SLC16A7: variants seen among roughly 807,000 people sequenced by gnomAD.
SLC16A7 encodes monocarboxylate transporter 2.
In SLC16A7, 33 loss-of-function variants were observed where a neutral mutation model predicts 34.9. That is an observed-to-expected ratio of 0.94 (90% CI 0.72 to 1.26). The LOEUF is 1.26. Ranked by LOEUF, SLC16A7 falls within the 50% of genes most tolerant of loss-of-function variation. The pLI is 0.00. For missense variants in SLC16A7, 573 were observed against 578.1 expected (o/e 0.99, Z 0.09); for synonymous variants, 201 against 206.6 (o/e 0.97, Z 0.23).
At position 59,779,545 on chromosome 12, in the gene SLC16A7, G is replaced by A. The variant is rs758562834; in HGVS notation, c.1303G>A (p.Glu435Lys). The A allele has an allele frequency of 2.1e-5, 34 of 1,612,930 alleles. 1 individual carries two copies. In the South Asian group the frequency reaches 3.4e-4, roughly 16 times the overall value. Reference protein sequence around the residue: ...NAINYRLLAKERKEENARQKT... With the variant: ...NAINYRLLAKKRKEENARQKT... ...TATCAACTATAGATTGCTTGCAAAG[G>A]AAAGGAAGGAGGAAAATGCAAGGCA... The change falls in exon 6 of 6, where the codon GAA (glutamate) becomes AAA (lysine). Residue 435 changes from glutamate to lysine, a missense_variant. Coordinates refer to ENST00000547379, the MANE Select transcript of SLC16A7 (RefSeq NM_001270623.2).
intron 2 of SLC16A7, among the ~76,000 whole-genome samples, chr12:59,699,065 T>C (rs934575166): frequency 4.0e-5 from 6 of 151,720 alleles, no homozygotes; most frequent in African/African-American, 1.4e-4. Context: ...AGTGTTAGGA[T>C]TGTGGGTGAT....
intron 1 of SLC16A7, among the ~76,000 whole-genome samples, chr12:59,636,069 T>G (rs1880411373): frequency 6.6e-6 from 1 of 151,166 alleles, no homozygotes; most frequent in Non-Finnish European, 1.5e-5. Flanking sequence ...CATTTTTATT[T>G]ATTTTTTTCT....
intron 1 of SLC16A7, among the ~76,000 whole-genome samples, chr12:59,642,790 T>C (rs574164971): frequency 6.6e-6 from 1 of 152,226 alleles, no homozygotes; most frequent in South Asian, 2.1e-4. Context: ...AGATTGTCTT[T>C]ATAGAGTTCA....
chr12:59,707,504 T>C (rs962820060), intron 3 of SLC16A7, among the ~76,000 whole-genome samples: 2 of 152,038 alleles, frequency 1.3e-5, no homozygotes, highest in African/African-American at 4.8e-5. Flanking sequence ...ATTTTATTCA[T>C]ACTTATTTTT....
chr12:59,636,261 T>C lies in SLC16A7; in HGVS notation c.-129-18891T>C, dbSNP rs1016920964. ...ATGAACTTATTTTTCCCAGCATTAA[T>C]GTCAAGAAACAATCAAAGAGGAAAA... On this transcript the variant is annotated intron_variant, in intron 1 of 5. Coordinates refer to ENST00000547379, the MANE Select transcript of SLC16A7 (RefSeq NM_001270623.2). 2.0e-5 allele frequency among the ~76,000 whole-genome samples: 3 copies of C among 152,108 alleles called. No individual in the cohort carries two copies. In the East Asian group the frequency reaches 5.8e-4, roughly 29 times the overall value.
chr12:59,713,829 T>G (rs1874545580), intron 3 of SLC16A7, among the ~76,000 whole-genome samples: 1 of 152,230 alleles, frequency 6.6e-6, no homozygotes, highest in Admixed American at 6.5e-5. Flanking sequence ...ACTCATTCAT[T>G]TATTCCATAG....
At chr12:59,760,453 C>G (rs1223395752) in intron 3 of SLC16A7, among the ~76,000 whole-genome samples, 1 of 151,988 alleles carries the variant, frequency 6.6e-6, no homozygotes, top group African/African-American at 2.4e-5. Flanking sequence ...TTCTAAGACC[C>G]TCAGTGATGA....
chr12:59,647,963 G>A (rs1239855282), intron 1 of SLC16A7, among the ~76,000 whole-genome samples: 3 of 152,088 alleles, frequency 2.0e-5, no homozygotes, highest in Non-Finnish European at 4.4e-5. Context: ...TGAGGTGGGA[G>A]GATCACCTGA....
At chr12:59,755,353 A>G (rs151221845) in intron 3 of SLC16A7, among the ~76,000 whole-genome samples, 170 of 152,208 alleles carry the variant, frequency 1.1e-3, no homozygotes, top group African/African-American at 3.6e-3. Flanking sequence ...TACCTAGAAA[A>G]CCCCATTGTC....
At chr12:59,649,455 G>C (rs987374077) in intron 1 of SLC16A7, among the ~76,000 whole-genome samples, 2 of 152,138 alleles carry the variant, frequency 1.3e-5, no homozygotes, top group African/African-American at 4.8e-5. Context: ...AAGGTGTTTT[G>C]CTATTTCATT....
At chr12:59,671,730 A>G (rs375651646) in intron 2 of SLC16A7, among the ~76,000 whole-genome samples, 5 of 144,860 alleles carry the variant, frequency 3.5e-5, no homozygotes, top group African/African-American at 1.3e-4. Context: ...ATATATGTGT[A>G]TATATGTATA....
At chr12:59,686,753 C>T (rs528629941) in intron 2 of SLC16A7, among the ~76,000 whole-genome samples, 406 of 152,098 alleles carry the variant, frequency 2.7e-3, no homozygotes, top group African/African-American at 8.9e-3. Context: ...GCTACATTCC[C>T]GACTATTTTT....
chr12:59,633,764 G>A (rs1391798129), intron 1 of SLC16A7, among the ~76,000 whole-genome samples: 1 of 151,986 alleles, frequency 6.6e-6, no homozygotes, highest in African/African-American at 2.4e-5. Context: ...GTCAACAGGA[G>A]AGAGAGTCAG....
intron 1 of SLC16A7, among the ~76,000 whole-genome samples, chr12:59,650,208 A>T (rs1391986981): frequency 2.6e-5 from 4 of 152,088 alleles, no homozygotes; most frequent in Admixed American, 2.6e-4. Flanking sequence ...GGGTCTGTAG[A>T]TTTACTTGTT....
chr12:59,669,537 A>C (rs1180001047), intron 2 of SLC16A7, among the ~76,000 whole-genome samples: 1 of 152,092 alleles, frequency 6.6e-6, no homozygotes, highest in East Asian at 1.9e-4. Context: ...ATTTCAGATT[A>C]CACAAATACA....
At chr12:59,621,606 C>CAA (rs1879699213) in intron 1 of SLC16A7, among the ~76,000 whole-genome samples, 2 of 151,830 alleles carry the variant, frequency 1.3e-5, no homozygotes, top group African/African-American at 4.8e-5. Context: ...ACTTCAGAGG[C>CAA]AAAACACTTA....
At chr12:59,775,545 C>A in intron 5 of SLC16A7, 70 bp downstream of exon 5, 3 of 1,097,850 alleles carry the variant, frequency 2.7e-6, no homozygotes, top group Non-Finnish European at 4.0e-6. Flanking sequence ...ACTTTATATA[C>A]AGATGTTTAA....
At chr12:59,672,585 C>G (rs963947794) in intron 2 of SLC16A7, among the ~76,000 whole-genome samples, 3 of 151,946 alleles carry the variant, frequency 2.0e-5, no homozygotes, top group South Asian at 4.2e-4. Context: ...GCTTCTTCTT[C>G]TTGTTGATAT....
intron 2 of SLC16A7, among the ~76,000 whole-genome samples, chr12:59,703,777 G>A (rs1315624862): frequency 6.6e-6 from 1 of 152,028 alleles, no homozygotes; most frequent in African/African-American, 2.4e-5. Flanking sequence ...GGTGTTCTGA[G>A]CACAAAAAAG....
Sources: allele counts gnomAD v4.1 joint callset (sites outside exome capture counted in the v4.1 genomes callset), GRCh38; gene constraint gnomAD v4.1.1; transcripts MANE v1.5; gene names NCBI Gene and HGNC (gene_info 2026-07-23, HGNC 2026-07-21).